IL1RN: variants seen among roughly 807,000 people sequenced by gnomAD.
IL1RN encodes interleukin 1 receptor antagonist, also known as interleukin-1 receptor antagonist protein.
IL1RN carries 10 observed loss-of-function variants against 13.7 expected under a neutral mutation model. The ratio of observed to expected loss-of-function variants is 0.73; its 90% confidence interval spans 0.45 to 1.24. The LOEUF is 1.24. IL1RN is among the 50% of genes most tolerant of loss of function. IL1RN has a pLI of 0.00. For missense variants in IL1RN, 213 were observed against 222.1 expected (o/e 0.96, Z 0.26); for synonymous variants, 102 against 82.7 (o/e 1.23, Z -1.27).
At position 113,130,241 on chromosome 2, in the gene IL1RN, G is replaced by A. The variant is rs1277213990; in HGVS notation, c.205+577G>A. 10 of 165,300 alleles carry A rather than the reference G, an allele frequency of 6.0e-5. No individual in the cohort carries two copies. In the South Asian group the frequency reaches 1.5e-3, roughly 25 times the overall value. The allele number at this position is 165,300 out of a possible 1,614,324, so 10.2% of individuals were successfully genotyped here. ...GGATGTTTTCACTCCCCTGTTTGTT[G>A]TTGTAGGATGGTATTACCTCCACCT... On this transcript the variant is annotated intron_variant, in intron 2 of 3. Coordinates refer to ENST00000409930, the MANE Select transcript of IL1RN (RefSeq NM_173842.3).
intron 1 of IL1RN, among the ~76,000 whole-genome samples, chr2:113,112,648 C>G (rs1289489406): frequency 6.6e-6 from 1 of 152,210 alleles, no homozygotes; most frequent in Admixed American, 6.5e-5. Context: ...CACCGTTCCT[C>G]TTCCTCCATC....
upstream of IL1RN, among the ~76,000 whole-genome samples, chr2:113,108,524 T>C (rs186957174): frequency 1.3e-3 from 193 of 152,224 alleles, 1 homozygote; most frequent in African/African-American, 4.4e-3. Flanking sequence ...TGTGATTAGA[T>C]TGGGTCCACC....
upstream of IL1RN, among the ~76,000 whole-genome samples, chr2:113,110,607 G>A (rs566228114): frequency 6.6e-6 from 1 of 152,222 alleles, no homozygotes; most frequent in Non-Finnish European, 1.5e-5. Flanking sequence ...AAGATAATTA[G>A]GTGTGCTGAA....
At chr2:113,127,484 T>C, upstream of IL1RN, 1 of 1,439,678 alleles carries the variant, frequency 6.9e-7, no homozygotes, top group Non-Finnish European at 9.1e-7. Flanking sequence ...GGGTTTCTCT[T>C]TTTGGAAATG....
intron 3 of IL1RN, among the ~76,000 whole-genome samples, chr2:113,131,669 C>T (rs933698865): frequency 2.2e-4 from 33 of 152,110 alleles, no homozygotes; most frequent in Non-Finnish European, 5.9e-5. Flanking sequence ...CCCCCCTACC[C>T]ACGCAGACCT....
intron 3 of IL1RN, 27 bp downstream of exon 3, chr2:113,131,184 C>T: frequency 2.1e-6 from 3 of 1,457,200 alleles, no homozygotes; most frequent in Non-Finnish European, 2.9e-6. Flanking sequence ...GATCTCAAAT[C>T]ACCCCAAAAC....
chr2:113,112,800 G>A (rs1363990114), intron 1 of IL1RN, among the ~76,000 whole-genome samples: 1 of 152,136 alleles, frequency 6.6e-6, no homozygotes, highest in East Asian at 1.9e-4. Flanking sequence ...ATCCTATGAA[G>A]ACAAATACAC....
intron 3 of IL1RN, among the ~76,000 whole-genome samples, chr2:113,132,305 A>G (rs1687199355): frequency 6.6e-6 from 1 of 152,142 alleles, no homozygotes; most frequent in Non-Finnish European, 1.5e-5. Flanking sequence ...AACATTAGAC[A>G]GGTGTGGTGG....
chr2:113,127,622 A>G lies in IL1RN; in HGVS notation c.-3A>G, dbSNP rs775537994. The stretch of plus-strand genomic sequence containing the variant: ...CAGTCCACTGCCTTGCTGCAGTCAC[A>G]GAATGGAAATCTGCAGAGGCCTCCG... On this transcript the variant is annotated 5_prime_UTR_variant, in exon 1 of 4. Coordinates refer to ENST00000409930, the MANE Select transcript of IL1RN (RefSeq NM_173842.3). 30 of 1,613,822 alleles carry G rather than the reference A, an allele frequency of 1.9e-5. No homozygotes were observed. The highest frequency in any genetic ancestry group is 2.5e-5 in the Non-Finnish European group (29 of 1,179,944).
At chr2:113,102,072 C>G in the IL1RN span, among the ~76,000 whole-genome samples, 1 of 152,146 alleles carries the variant, frequency 6.6e-6, no homozygotes, top group East Asian at 1.9e-4. Flanking sequence ...CCGCCCGAGA[C>G]TTTTTTTCTT....
At chr2:113,126,876 G>A (rs1338729493), upstream of IL1RN, among the ~76,000 whole-genome samples, 2 of 152,142 alleles carry the variant, frequency 1.3e-5, no homozygotes, top group Admixed American at 6.6e-5. Flanking sequence ...TCATCGTCCC[G>A]AGACCATAAC....
chr2:113,118,733 C>T (rs920975706), intron 1 of IL1RN, among the ~76,000 whole-genome samples: 10 of 152,190 alleles, frequency 6.6e-5, no homozygotes, highest in African/African-American at 1.2e-4. Context: ...TTTTAAGTTT[C>T]TAATTTAAAA....
upstream of IL1RN, among the ~76,000 whole-genome samples, chr2:113,106,883 G>A (rs1443421980): frequency 8.6e-6 from 1 of 115,734 alleles, no homozygotes; most frequent in African/African-American, 4.3e-5. Context: ...AAATGAACTG[G>A]CATATTTGAG....
chr2:113,116,411 T>G (rs574732731), upstream of IL1RN, among the ~76,000 whole-genome samples: 2 of 151,560 alleles, frequency 1.3e-5, no homozygotes, highest in South Asian at 4.2e-4. Flanking sequence ...CACCTTGGCA[T>G]TACATCTTGG....
At chr2:113,103,965 A>T (rs1686350488), upstream of IL1RN, among the ~76,000 whole-genome samples, 1 of 150,436 alleles carries the variant, frequency 6.6e-6, no homozygotes, top group Non-Finnish European at 1.5e-5. Flanking sequence ...TCACCAAGTT[A>T]TTTTATTTAA....
At chr2:113,121,404 C>T (rs1686779701) in intron 2 of IL1RN, 1 of 958,476 alleles carries the variant, frequency 1.0e-6, no homozygotes, top group Non-Finnish European at 1.2e-6. Flanking sequence ...CAGTTGTCCC[C>T]TTCCCCATGG....
At chr2:113,108,582 A>G (rs534226893), upstream of IL1RN, among the ~76,000 whole-genome samples, 1 of 152,220 alleles carries the variant, frequency 6.6e-6, no homozygotes, top group East Asian at 1.9e-4. Context: ...CTGATTAGCA[A>G]CCTCAATTCC....
chr2:113,109,941 A>G (rs1369160467), upstream of IL1RN, among the ~76,000 whole-genome samples: 3 of 152,146 alleles, frequency 2.0e-5, no homozygotes, highest in Non-Finnish European at 2.9e-5. Context: ...GATTTGGGCC[A>G]TGCCTTGGTT....
At chr2:113,127,523 G>A (rs548010156), upstream of IL1RN, 240 of 1,504,190 alleles carry the variant, frequency 1.6e-4, no homozygotes, top group Non-Finnish European at 3.5e-5. Flanking sequence ...TTCTCGCAGT[G>A]GGGCAGGGTG....
Sources: gnomAD v4.1 joint callset for allele counts (sites outside exome capture counted in the v4.1 genomes callset) on GRCh38, gnomAD v4.1.1 for gene constraint, MANE v1.5 for transcripts, NCBI Gene and HGNC (gene_info 2026-07-23, HGNC 2026-07-21) for gene names.